DDX21: variants seen among roughly 807,000 people sequenced by gnomAD.
The protein encoded by DDX21 is nucleolar RNA helicase 2.
A neutral mutation model predicts 90.0 loss-of-function variants in DDX21; 18 were observed. The ratio of observed to expected loss-of-function variants is 0.20; its 90% CI spans 0.14 to 0.30. The LOEUF is 0.30. Ranked by LOEUF, DDX21 falls within the 10% of genes least tolerant of loss-of-function variation. DDX21 has a pLI of 1.00. For synonymous variants in DDX21, 294 were observed against 318.0 expected, an observed-to-expected ratio of 0.92 and a Z score of 0.80; for missense variants, 673 against 944.5, an observed-to-expected ratio of 0.71 and a Z score of 3.77.
At chr10:68,960,385 T>C (rs1417218634) in intron 2 of DDX21, 136 bp downstream of exon 2, 2 of 805,650 alleles carry the variant, frequency 2.5e-6, no homozygotes, top group Non-Finnish European at 3.6e-6. Context: ...GGGGATACCT[T>C]AGGCTGACTG....
intron 4 of DDX21, among the ~76,000 whole-genome samples, chr10:68,964,690 G>C (rs1842918661): frequency 1.0e-5 from 1 of 96,874 alleles, no homozygotes; most frequent in South Asian, 3.6e-4. Flanking sequence ...TTGAGACAAA[G>C]TCTCGCTTTG....
chr10:68,974,832 A>AAT (rs1554841074), intron 11 of DDX21, 89 bp downstream of exon 11: 47 of 1,102,888 alleles, frequency 4.3e-5, no homozygotes, highest in South Asian at 3.3e-4. Flanking sequence ...ACTTAAAAAA[A>AAT]TTTTTTTTTT....
chr10:68,962,302 A>G (rs2132080672), intron 3 of DDX21, 145 bp downstream of exon 3: 1 of 606,184 alleles, frequency 1.6e-6, no homozygotes, highest in East Asian at 2.9e-5. Context: ...TGTGTATTCA[A>G]TTTAGTACTA....
chr10:68,969,213 A>T (rs980479051), intron 7 of DDX21, 92 bp downstream of exon 7: 6 of 1,212,210 alleles, frequency 4.9e-6, no homozygotes, highest in Non-Finnish European at 5.7e-6. Flanking sequence ...CTTTTTCCAG[A>T]TAAATACTAA....
chr10:68,963,541 C>T (rs1842900418), intron 4 of DDX21, 72 bp downstream of exon 4: 3 of 1,406,202 alleles, frequency 2.1e-6, no homozygotes, highest in Admixed American at 5.0e-5. Flanking sequence ...TGTACATACC[C>T]TACTATTTTT....
At chr10:68,964,661 C>T (rs375418114) in intron 4 of DDX21, among the ~76,000 whole-genome samples, 41 of 100,062 alleles carry the variant, frequency 4.1e-4, no homozygotes, top group Admixed American at 4.8e-4. Flanking sequence ...TGCACCTGGA[C>T]TTTTTTTTTT....
chr10:68,974,381 A>G (rs1564629052), intron 10 of DDX21, among the ~76,000 whole-genome samples: 1 of 152,190 alleles, frequency 6.6e-6, no homozygotes, highest in Admixed American at 6.5e-5. Flanking sequence ...AAAAACAAGG[A>G]AAGAAGGAAA....
At chr10:68,974,046 C>T (rs976288788) in intron 10 of DDX21, among the ~76,000 whole-genome samples, 1 of 152,180 alleles carries the variant, frequency 6.6e-6, no homozygotes, top group Non-Finnish European at 1.5e-5. Flanking sequence ...ATTCTTGCCC[C>T]TTCAGGAGCT....
At chr10:68,973,901 A>C (rs187167735) in intron 10 of DDX21, among the ~76,000 whole-genome samples, 1 of 152,340 alleles carries the variant, frequency 6.6e-6, no homozygotes, top group East Asian at 1.9e-4. Context: ...GACAATGATA[A>C]ATATGAACCA....
chr10:68,973,406 T>C, intron 9 of DDX21, 139 bp from the exon 10 acceptor site: 1 of 1,028,300 alleles, frequency 9.7e-7, no homozygotes, highest in South Asian at 1.6e-5. Flanking sequence ...GGTCTTTAAA[T>C]TGAAGTGCTA....
intron 13 of DDX21, among the ~76,000 whole-genome samples, chr10:68,981,050 C>G (rs1245383263): frequency 1.3e-5 from 2 of 152,070 alleles, no homozygotes; most frequent in African/African-American, 4.8e-5. Flanking sequence ...AATAGAAGAT[C>G]ACTTGTTTTT....
Position 68,956,174 on chromosome 10 carries a change from TC to T in DDX21, c.-50del. The T allele has an allele frequency of 6.3e-7, 1 of 1,592,828 alleles. No homozygotes were observed. On this transcript the variant is annotated 5_prime_UTR_variant, in exon 1 of 15. Coordinates refer to ENST00000354185, the MANE Select transcript of DDX21 (RefSeq NM_004728.4). ...GGACCCAGGGTGGGGAACTACCTCTTCCTCTCCACGCGGTTGAGAAGACCGG... is the reference window on the plus strand; with the variant it reads ...GGACCCAGGGTGGGGAACTACCTCTTCTCTCCACGCGGTTGAGAAGACCGG...
chr10:68,962,923 T>C (rs1007718214), intron 3 of DDX21, among the ~76,000 whole-genome samples: 1 of 152,190 alleles, frequency 6.6e-6, no homozygotes, highest in Non-Finnish European at 1.5e-5. Context: ...ATTGGATGCT[T>C]TAAAGTTTGT....
rs1348903684 is a variant in DDX21, at chr10:68,984,925, T to C, written c.*2113T>C. Reference sequence around the variant, plus strand: ...TGGTAAATGTTATAATTTTTACTATTTTCTACAAAGAAAATATTTTCTAAT... The same window carrying C: ...TGGTAAATGTTATAATTTTTACTATCTTCTACAAAGAAAATATTTTCTAAT... On this transcript the variant is annotated 3_prime_UTR_variant, in exon 15 of 15. Coordinates refer to ENST00000354185, the MANE Select transcript of DDX21 (RefSeq NM_004728.4). The C allele has an allele frequency of 6.6e-6, 1 of 152,216 alleles. No homozygotes were observed. Among genetic ancestry groups the C allele is most frequent in the Non-Finnish European group, 1.5e-5 (1 of 68,036 alleles). 9.4% of individuals were successfully genotyped at this position (152,216 alleles called of 1,614,324 possible). A position where few individuals can be genotyped will look rare whatever the true frequency, so the allele number is the denominator to read the frequency against.
chr10:68,981,915 C>G (rs1843197890), intron 14 of DDX21, among the ~76,000 whole-genome samples: 1 of 151,896 alleles, frequency 6.6e-6, no homozygotes, highest in Non-Finnish European at 1.5e-5. Context: ...GCTCTGTCGC[C>G]CAGGCTGGAG....
intron 6 of DDX21, 76 bp downstream of exon 6, chr10:68,967,279 C>G: frequency 7.1e-7 from 1 of 1,414,000 alleles, no homozygotes; most frequent in Non-Finnish European, 9.5e-7. Flanking sequence ...GTTCAAGTGA[C>G]TCTCATGCCT....
Position 68,956,307 on chromosome 10 carries a change from G to A in DDX21, c.82G>A (p.Glu28Lys). The change falls in exon 1 of 15, where the codon GAG (glutamate) becomes AAG (lysine). Residue 28 changes from glutamate to lysine, a missense_variant. Physicochemically the swap from Glu to Lys is moderately conservative, Grantham distance 56. Transcript: ENST00000354185. ...KKGETLRKQTEEKEKKEKPKS... is the reference protein window; with the variant it reads ...KKGETLRKQTKEKEKKEKPKS... The stretch of plus-strand genomic sequence containing the variant: ...AGGGGAGACACTGCGAAAGCAAACC[G>A]AGGAGGTGAAACGGAGGGACCTGGG... The A allele has an allele frequency of 6.2e-7, 1 of 1,614,198 alleles. No individual in the cohort carries two copies. Among genetic ancestry groups the A allele is most frequent in the Non-Finnish European group, 8.5e-7 (1 of 1,180,024 alleles).
chr10:68,978,252 C>T (rs1843134249), intron 12 of DDX21, among the ~76,000 whole-genome samples: 1 of 152,054 alleles, frequency 6.6e-6, no homozygotes, highest in Non-Finnish European at 1.5e-5. Context: ...GTAATGGATG[C>T]AGGATTCTTT....
intron 13 of DDX21, among the ~76,000 whole-genome samples, chr10:68,979,906 T>G (rs1055556645): frequency 3.9e-5 from 6 of 152,188 alleles, no homozygotes; most frequent in Admixed American, 3.3e-4. Flanking sequence ...CAGTACACCA[T>G]GCTTTATCTC....
Sources: allele counts gnomAD v4.1 joint callset (sites outside exome capture counted in the v4.1 genomes callset), GRCh38; gene constraint gnomAD v4.1.1; transcripts MANE v1.5; gene names NCBI Gene and HGNC (gene_info 2026-07-23, HGNC 2026-07-21).